FSTL4: variants seen among roughly 807,000 people sequenced by gnomAD.
FSTL4 encodes follistatin-related protein 4.
FSTL4 carries 28 observed loss-of-function variants against 78.2 expected under a neutral mutation model. That is an observed-to-expected ratio of 0.36 (90% CI 0.27 to 0.49). FSTL4 has a LOEUF of 0.49. FSTL4 is among the 20% of genes least tolerant of loss of function. The probability of loss-of-function intolerance (pLI) is 0.98; values close to 1 mark genes in which losing one functional copy is unlikely to be tolerated. For missense variants in FSTL4, 922 were observed against 1,084.9 expected (o/e 0.85, Z 2.11); for synonymous variants, 422 against 440.5 (o/e 0.96, Z 0.53).
chr5:133,553,657 A>G (rs1759731663), intron 3 of FSTL4, among the ~76,000 whole-genome samples: 1 of 152,220 alleles, frequency 6.6e-6, no homozygotes, highest in Admixed American at 6.5e-5. Context: ...CATATGGCAT[A>G]TGGTGGAGGC....
At chr5:133,813,506 T>C in the FSTL4 span, among the ~76,000 whole-genome samples, 2 of 152,210 alleles carry the variant, frequency 1.3e-5, no homozygotes, top group African/African-American at 4.8e-5. Flanking sequence ...GGACCTAAAA[T>C]AACCAAGCTT....
intron 3 of FSTL4, among the ~76,000 whole-genome samples, chr5:133,529,809 C>T (rs1403944500): frequency 1.3e-5 from 2 of 151,578 alleles, no homozygotes; most frequent in Non-Finnish European, 2.9e-5. Context: ...TATTGCTATT[C>T]ATCTGTGTAA....
intron 4 of FSTL4, among the ~76,000 whole-genome samples, chr5:133,356,034 A>T (rs1231375261): frequency 2.0e-5 from 3 of 152,198 alleles, no homozygotes; most frequent in African/African-American, 7.2e-5. Flanking sequence ...CCTGGGTCCC[A>T]GGGGGCCTTC....
At chr5:133,472,123 G>A (rs116227384) in intron 3 of FSTL4, among the ~76,000 whole-genome samples, 5,342 of 152,270 alleles carry the variant, frequency 0.035, 132 homozygotes, top group Non-Finnish European at 0.05. Flanking sequence ...AGGCTGTGCT[G>A]TGAGTATACA....
intron 2 of FSTL4, among the ~76,000 whole-genome samples, chr5:133,589,434 C>CACTG (rs1349522875): frequency 6.6e-6 from 1 of 152,128 alleles, no homozygotes; most frequent in Non-Finnish European, 1.5e-5. Context: ...CACCCACAGA[C>CACTG]ACTGCCCTCA....
intron 3 of FSTL4, among the ~76,000 whole-genome samples, chr5:133,453,656 C>T (rs1757424484): frequency 6.6e-6 from 1 of 152,172 alleles, no homozygotes. Context: ...TTAGAAACCT[C>T]CTAGTGGGTC....
intron 11 of FSTL4, among the ~76,000 whole-genome samples, chr5:133,221,916 T>TTTTTG (rs1561626902): frequency 3.0e-5 from 4 of 132,394 alleles, no homozygotes; most frequent in Admixed American, 7.3e-5. Context: ...TTTTTTTTTT[T>TTTTTG]TTTTTTTTTT....
At chr5:133,395,453 A>G (rs2126966155) in intron 4 of FSTL4, among the ~76,000 whole-genome samples, 1 of 152,326 alleles carries the variant, frequency 6.6e-6, no homozygotes. Flanking sequence ...CAGAAGGAAC[A>G]AACTCCGGAC....
the FSTL4 span, among the ~76,000 whole-genome samples, chr5:133,687,898 C>G: frequency 1.3e-5 from 2 of 152,200 alleles, no homozygotes; most frequent in African/African-American, 4.8e-5. Context: ...TGCTCCCATC[C>G]CCAGGGAAGC....
At chr5:133,703,900 G>T in the FSTL4 span, among the ~76,000 whole-genome samples, 1 of 152,184 alleles carries the variant, frequency 6.6e-6, no homozygotes, top group Non-Finnish European at 1.5e-5. Flanking sequence ...TAGCACAGGC[G>T]GCAAAGCTTG....
chr5:133,589,641 C>T (rs1328382883), intron 2 of FSTL4, among the ~76,000 whole-genome samples: 1 of 152,100 alleles, frequency 6.6e-6, no homozygotes, highest in Non-Finnish European at 1.5e-5. Context: ...CAAGAGGCCA[C>T]CCACCGCCCA....
rs558262035 is a variant in FSTL4, at chr5:133,197,855, G to A, written c.*1240C>T. 2 of 152,402 alleles carry A rather than the reference G, an allele frequency of 1.3e-5. No individual in the cohort carries two copies. The highest frequency in any genetic ancestry group is 1.3e-4 in the Admixed American group (2 of 15,304). 9.4% of individuals were successfully genotyped at this position (152,402 alleles called of 1,614,324 possible). On this transcript the variant is annotated 3_prime_UTR_variant, in exon 16 of 16. Transcript: ENST00000265342. ...GGTTGTACTTCTTCGATGCCCATGT[G>A]AGAGTCACCACAGCCTGAGACACAT...
intron 4 of FSTL4, among the ~76,000 whole-genome samples, chr5:133,341,487 C>T (rs1754581317): frequency 6.6e-6 from 1 of 152,064 alleles, no homozygotes; most frequent in Non-Finnish European, 1.5e-5. Context: ...CACCAAGCCC[C>T]TGTGTGAGTG....
Position 133,225,163 on chromosome 5 carries a change from T to C in FSTL4, c.1299A>G (p.Ser433=). ...EDISSLFIED[S]ARKTLANILW... ...GTGTCGACTTACGGGTCTTTCTAGC[T>C]GAGTCTTCAATGAAGAGCGAGGAGA... Residue 433 remains serine (S), a synonymous_variant, in exon 10 of 16, where the codon TCA becomes TCG. Coordinates refer to ENST00000265342, the MANE Select transcript of FSTL4 (RefSeq NM_015082.2). The surrounding 1 kb of genome is among the most constrained non-coding windows in gnomAD (Gnocchi z 4.6). 1.9e-6 allele frequency: 3 copies of C among 1,614,214 alleles called. No homozygotes were observed. The highest frequency in any genetic ancestry group is 2.5e-6 in the Non-Finnish European group (3 of 1,180,030).
the FSTL4 span, among the ~76,000 whole-genome samples, chr5:133,626,665 T>C: frequency 6.6e-6 from 1 of 152,054 alleles, no homozygotes; most frequent in Non-Finnish European, 1.5e-5. Context: ...TAGAACTGTG[T>C]TGTTATGTTT....
intron 3 of FSTL4, among the ~76,000 whole-genome samples, chr5:133,542,919 G>A (rs1011069067): frequency 7.1e-5 from 10 of 140,252 alleles, no homozygotes; most frequent in Non-Finnish European, 1.6e-4. Flanking sequence ...CCTTTCTGTT[G>A]TACTTTTTTT....
intron 4 of FSTL4, among the ~76,000 whole-genome samples, chr5:133,394,319 G>A (rs572659733): frequency 5.3e-5 from 8 of 152,356 alleles, no homozygotes; most frequent in African/African-American, 1.4e-4. Flanking sequence ...GCCGAGGCTG[G>A]AGCCAGCTCC....
At chr5:133,655,305 C>G in the FSTL4 span, among the ~76,000 whole-genome samples, 2 of 152,186 alleles carry the variant, frequency 1.3e-5, no homozygotes, top group African/African-American at 4.8e-5. Flanking sequence ...CCACCAGCCT[C>G]TAGCTATCCC....
chr5:133,602,326 T>C (rs1760887892), intron 2 of FSTL4, among the ~76,000 whole-genome samples: 1 of 152,302 alleles, frequency 6.6e-6, no homozygotes, highest in Admixed American at 6.5e-5. Context: ...CTGCTCCTTC[T>C]TGTTGGCACA....
Sources: allele counts gnomAD v4.1 joint callset (sites outside exome capture counted in the v4.1 genomes callset), GRCh38; gene constraint gnomAD v4.1.1; non-coding constraint Gnocchi (gnomAD v3.1); transcripts MANE v1.5; gene names NCBI Gene and HGNC (gene_info 2026-07-23, HGNC 2026-07-21).